Variants in KCNIP4 observed in about 807,000 individuals in gnomAD.
KCNIP4 encodes the protein Kv channel-interacting protein 4.
A neutral mutation model predicts 34.0 loss-of-function variants in KCNIP4; 12 were observed. The ratio of observed to expected loss-of-function variants is 0.35; its 90% CI spans 0.23 to 0.57. The LOEUF (loss-of-function observed/expected upper bound fraction) is 0.57. KCNIP4 is among the 20% of genes least tolerant of loss of function. KCNIP4 has a pLI of 0.83. For synonymous variants in KCNIP4, 124 were observed against 102.2 expected (o/e 1.21, Z -1.29); for missense variants, 238 against 311.7 (o/e 0.76, Z 1.78).
chr4:21,795,641 A>T (rs1720572861), intron 1 of KCNIP4, among the ~76,000 whole-genome samples: 1 of 152,194 alleles, frequency 6.6e-6, no homozygotes, highest in African/African-American at 2.4e-5. Flanking sequence ...CATCTCACAC[A>T]ATACTTTTTT....
At chr4:21,656,159 C>T (rs1321570060) in intron 1 of KCNIP4, among the ~76,000 whole-genome samples, 2 of 152,304 alleles carry the variant, frequency 1.3e-5, no homozygotes, top group East Asian at 3.9e-4. Flanking sequence ...TCCCTCCTCC[C>T]TAGCTTCTGG....
intron 1 of KCNIP4, among the ~76,000 whole-genome samples, chr4:21,243,334 T>A (rs1759987328): frequency 6.6e-6 from 1 of 152,210 alleles, no homozygotes; most frequent in Non-Finnish European, 1.5e-5. Flanking sequence ...CACAGGTAGA[T>A]CGAGTTCTTT....
intron 1 of KCNIP4, among the ~76,000 whole-genome samples, chr4:21,906,439 A>G (rs1232554722): frequency 6.6e-6 from 1 of 152,178 alleles, no homozygotes; most frequent in Non-Finnish European, 1.5e-5. Flanking sequence ...ATGTCAAGAC[A>G]TGTTGGCAGC....
intron 1 of KCNIP4, among the ~76,000 whole-genome samples, chr4:21,427,910 A>G (rs566753124): frequency 6.6e-6 from 1 of 152,360 alleles, no homozygotes; most frequent in Admixed American, 6.5e-5. Flanking sequence ...ATATAGGTTT[A>G]TGAAGCTGTA....
intron 1 of KCNIP4, among the ~76,000 whole-genome samples, chr4:21,445,225 A>C (rs1032121025): frequency 7.2e-5 from 11 of 152,192 alleles, no homozygotes; most frequent in African/African-American, 2.4e-4. Flanking sequence ...ATTCAATGCC[A>C]TCCCCATCAA....
At chr4:21,319,435 G>A (rs1030987612) in intron 1 of KCNIP4, among the ~76,000 whole-genome samples, 2 of 152,102 alleles carry the variant, frequency 1.3e-5, no homozygotes, top group African/African-American at 4.8e-5. Context: ...TTTATTCCTA[G>A]TACCTGCCTC....
intron 1 of KCNIP4, among the ~76,000 whole-genome samples, chr4:21,916,197 T>C (rs1728620987): frequency 6.6e-6 from 1 of 152,214 alleles, no homozygotes; most frequent in African/African-American, 2.4e-5. Context: ...GCCACTGGAG[T>C]ACAATTTTTA....
intron 1 of KCNIP4, among the ~76,000 whole-genome samples, chr4:21,826,068 A>G (rs1388055682): frequency 1.3e-5 from 2 of 152,174 alleles, no homozygotes; most frequent in East Asian, 3.9e-4. Flanking sequence ...GGAAAAGGCC[A>G]ACATGGCTGA....
intron 1 of KCNIP4, among the ~76,000 whole-genome samples, chr4:21,604,064 T>C (rs1277032305): frequency 1.3e-5 from 2 of 152,184 alleles, no homozygotes; most frequent in Non-Finnish European, 1.5e-5. Context: ...GGTTTTACTT[T>C]TATAAAAATT....
In KCNIP4 at chr4:21,260,982, G is replaced by A. The variant is rs981120920; in HGVS notation, c.62-378273C>T. Among the ~76,000 whole-genome samples, 3 of 152,130 alleles carry A rather than the reference G, an allele frequency of 2.0e-5. No homozygotes were observed. The East Asian group carries it at 5.8e-4, about 29-fold the overall frequency. ...CAAGGAGACGTTTTCTGACTGAGTT[G>A]TCAGCTCTTCTTTTCAGCTAAACAT... On this transcript the variant is annotated intron_variant, in intron 1 of 8. Coordinates refer to ENST00000382152, the MANE Select transcript of KCNIP4 (RefSeq NM_025221.6).
rs546661544 is a variant in KCNIP4, at chr4:21,723,274, C to T, written c.61+225297G>A. The stretch of plus-strand genomic sequence containing the variant: ...TTCATATATTTCCCAAATTTGAAGA[C>T]CCTCCTTTGAGTGGACAGGGTCCCC... On this transcript the variant is annotated intron_variant, in intron 1 of 8. Coordinates refer to ENST00000382152, the MANE Select transcript of KCNIP4 (RefSeq NM_025221.6). Among the ~76,000 whole-genome samples, 23 of 152,152 alleles carry T rather than the reference C, an allele frequency of 1.5e-4. No homozygotes were observed. In the South Asian group the frequency reaches 4.8e-3, roughly 32 times the overall value.
At chr4:21,432,598 A>C (rs1726590834) in intron 1 of KCNIP4, among the ~76,000 whole-genome samples, 1 of 152,166 alleles carries the variant, frequency 6.6e-6, no homozygotes, top group South Asian at 2.1e-4. Flanking sequence ...ACCAGTACCA[A>C]AGGCGAAGCA....
At chr4:20,830,397 T>C (rs1718273819) in intron 3 of KCNIP4, among the ~76,000 whole-genome samples, 1 of 152,158 alleles carries the variant, frequency 6.6e-6, no homozygotes, top group Non-Finnish European at 1.5e-5. Flanking sequence ...GAGCTGAAAA[T>C]TCCCTTGGTT....
chr4:21,576,416 C>T (rs921329807), intron 1 of KCNIP4, among the ~76,000 whole-genome samples: 3 of 151,872 alleles, frequency 2.0e-5, no homozygotes, highest in African/African-American at 4.8e-5. Context: ...CTGCTAATGC[C>T]GAAAAACACA....
At chr4:21,273,260 A>G (rs1376876685) in intron 1 of KCNIP4, among the ~76,000 whole-genome samples, 3 of 151,980 alleles carry the variant, frequency 2.0e-5, no homozygotes, top group African/African-American at 7.3e-5. Context: ...TACCTGCCTA[A>G]TCAGACCTAC....
At chr4:21,568,905 A>G (rs1448572187) in intron 1 of KCNIP4, among the ~76,000 whole-genome samples, 1 of 152,088 alleles carries the variant, frequency 6.6e-6, no homozygotes, top group Admixed American at 6.5e-5. Flanking sequence ...AACACTGACT[A>G]ATACAGTGAA....
At chr4:20,950,181 A>T (rs1226895780) in intron 1 of KCNIP4, among the ~76,000 whole-genome samples, 1 of 151,768 alleles carries the variant, frequency 6.6e-6, no homozygotes, top group Non-Finnish European at 1.5e-5. Flanking sequence ...AGAAAGGAGA[A>T]TACATGCCTT....
At chr4:21,259,248 C>T (rs2109099592) in intron 1 of KCNIP4, among the ~76,000 whole-genome samples, 1 of 152,320 alleles carries the variant, frequency 6.6e-6, no homozygotes, top group African/African-American at 2.4e-5. Context: ...ATTAGCATTA[C>T]ATCCGTGAAT....
chr4:21,521,435 T>C (rs1286619860), intron 1 of KCNIP4, among the ~76,000 whole-genome samples: 1 of 152,144 alleles, frequency 6.6e-6, no homozygotes, highest in Admixed American at 6.6e-5. Context: ...CAGCTCTTGC[T>C]CTTTTTCTTT....
Sources: allele counts gnomAD v4.1 joint callset (sites outside exome capture counted in the v4.1 genomes callset), GRCh38; gene constraint gnomAD v4.1.1; transcripts MANE v1.5; gene names NCBI Gene and HGNC (gene_info 2026-07-23, HGNC 2026-07-21).